Variants in CNTN5 observed in about 807,000 individuals in gnomAD.
The protein encoded by CNTN5 is contactin 5.
A neutral mutation model predicts 129.1 loss-of-function variants in CNTN5; 77 were observed. The observed-to-expected ratio is 0.60, with a 90% CI of 0.50 to 0.72. CNTN5 has a LOEUF of 0.72. CNTN5 is among the 30% of genes least tolerant of loss of function. The pLI is 0.00. For synonymous variants in CNTN5, 509 were observed against 465.6 expected, an observed-to-expected ratio of 1.09 and a Z score of -1.20; for missense variants, 1,478 against 1,328.8, an observed-to-expected ratio of 1.11 and a Z score of -1.75.
At chr11:99,520,601 G>C (rs1947241153) in intron 2 of CNTN5, among the ~76,000 whole-genome samples, 1 of 152,046 alleles carries the variant, frequency 6.6e-6, no homozygotes, top group Admixed American at 6.6e-5. Context: ...AGCAACAACT[G>C]GTTGCCTGAT....
At chr11:99,664,168 G>A (rs913880536) in intron 3 of CNTN5, among the ~76,000 whole-genome samples, 1 of 152,120 alleles carries the variant, frequency 6.6e-6, no homozygotes, top group Non-Finnish European at 1.5e-5. Context: ...TTGGATGTGG[G>A]AAGACATGCT....
rs1236674070 is a variant in CNTN5 at position 100,297,806 on chromosome 11, A to G, written c.2385+111A>G. On this transcript the variant is annotated intron_variant, in intron 19 of 24. Transcript: ENST00000524871. ...CACTTGATTCATTTAGAGGCTAAAA[A>G]CAGTGGGAGGAAGGAATGAACCACT... 6.3e-6 allele frequency: 5 copies of G among 792,504 alleles called. No individual in the cohort carries two copies. In the African/African-American group the frequency reaches 7.0e-5, roughly 11 times the overall value. 49.1% of individuals were successfully genotyped at this position (792,504 alleles called of 1,614,324 possible).
At chr11:99,498,303 T>C (rs1425561608) in intron 2 of CNTN5, among the ~76,000 whole-genome samples, 1 of 152,170 alleles carries the variant, frequency 6.6e-6, no homozygotes, top group Non-Finnish European at 1.5e-5. Flanking sequence ...AAAGTCAGTG[T>C]GTCATTTGTT....
chr11:99,775,300 TAAC>T (rs1334938349), intron 3 of CNTN5, among the ~76,000 whole-genome samples: 1 of 151,982 alleles, frequency 6.6e-6, no homozygotes, highest in African/African-American at 2.4e-5. Flanking sequence ...TATTGTTCCT[TAAC>T]AATGAAAAAT....
chr11:99,698,568 C>T (rs907511948), intron 3 of CNTN5, among the ~76,000 whole-genome samples: 1 of 151,502 alleles, frequency 6.6e-6, no homozygotes, highest in African/African-American at 2.4e-5. Flanking sequence ...CCTGCAGAGT[C>T]GCACATTATA....
At chr11:100,204,297 A>ACATATATATAT in intron 15 of CNTN5, among the ~76,000 whole-genome samples, 2 of 17,658 alleles carry the variant, frequency 1.1e-4, no homozygotes, top group South Asian at 5.2e-3. Flanking sequence ...AACATTGACT[A>ACATATATATAT]ATATATATAT....
intron 3 of CNTN5, among the ~76,000 whole-genome samples, chr11:99,666,910 C>T (rs957437207): frequency 6.6e-6 from 1 of 151,928 alleles, no homozygotes; most frequent in East Asian, 1.9e-4. Flanking sequence ...ATAATTAGTT[C>T]AGTTTTATTT....
intron 2 of CNTN5, among the ~76,000 whole-genome samples, chr11:99,515,200 G>A (rs1194699791): frequency 2.0e-5 from 3 of 151,982 alleles, no homozygotes; most frequent in South Asian, 2.1e-4. Flanking sequence ...AAGAAGCAGC[G>A]AAGAGAGATT....
At chr11:99,711,513 G>T (rs1236301942) in intron 3 of CNTN5, among the ~76,000 whole-genome samples, 2 of 151,416 alleles carry the variant, frequency 1.3e-5, no homozygotes, top group African/African-American at 4.9e-5. Context: ...TTAAGTTCTG[G>T]GGTACATATG....
At chr11:99,335,163 C>T (rs1415418310) in intron 2 of CNTN5, among the ~76,000 whole-genome samples, 1 of 152,134 alleles carries the variant, frequency 6.6e-6, no homozygotes, top group African/African-American at 2.4e-5. Flanking sequence ...GATTGATTCT[C>T]ACAGCAACTT....
intron 8 of CNTN5, among the ~76,000 whole-genome samples, chr11:99,999,245 A>G (rs1326604734): frequency 2.6e-5 from 4 of 152,190 alleles, no homozygotes; most frequent in South Asian, 2.1e-4. Flanking sequence ...GAAAATTTTC[A>G]CAACCTACTC....
chr11:99,433,375 G>GAA (rs1565578567), intron 2 of CNTN5, among the ~76,000 whole-genome samples: 9 of 30,344 alleles, frequency 3.0e-4, no homozygotes, highest in African/African-American at 7.0e-4. Flanking sequence ...AAAAAAATGT[G>GAA]TGTGTGTGTG....
At chr11:99,148,631 G>C (rs118163264) in intron 1 of CNTN5, among the ~76,000 whole-genome samples, 7,194 of 152,148 alleles carry the variant, frequency 0.047, 193 homozygotes, top group Middle Eastern at 0.065. Flanking sequence ...TCAGCTATTT[G>C]TTACAAGATT....
chr11:100,334,141 A>C (rs1951973709), intron 21 of CNTN5, among the ~76,000 whole-genome samples: 18 of 152,212 alleles, frequency 1.2e-4, no homozygotes. Flanking sequence ...ACAATTCTCA[A>C]AAGAAGATAT....
At chr11:99,775,535 A>T (rs956928861) in intron 3 of CNTN5, among the ~76,000 whole-genome samples, 2 of 152,094 alleles carry the variant, frequency 1.3e-5, no homozygotes, top group African/African-American at 4.8e-5. Context: ...TAAAAAACAA[A>T]TGAGAGAAAG....
chr11:99,183,290 A>G (rs1858172884), intron 1 of CNTN5, among the ~76,000 whole-genome samples: 1 of 152,168 alleles, frequency 6.6e-6, no homozygotes, highest in South Asian at 2.1e-4. Flanking sequence ...AAAAGAATAC[A>G]TGAAACTTAA....
chr11:100,009,404 C>A (rs1268155858), intron 9 of CNTN5, among the ~76,000 whole-genome samples: 1 of 151,542 alleles, frequency 6.6e-6, no homozygotes, highest in Non-Finnish European at 1.5e-5. Flanking sequence ...CAAGAGAACC[C>A]ATAGGGAAAC....
intron 18 of CNTN5, among the ~76,000 whole-genome samples, chr11:100,275,710 A>C (rs1950495841): frequency 6.6e-6 from 1 of 152,246 alleles, no homozygotes; most frequent in Non-Finnish European, 1.5e-5. Flanking sequence ...TTCTATATAC[A>C]TGACATACTT....
At chr11:99,862,605 AT>A (rs1179815521) in intron 6 of CNTN5, among the ~76,000 whole-genome samples, 28 of 152,014 alleles carry the variant, frequency 1.8e-4, no homozygotes, top group East Asian at 9.6e-4. Context: ...ATTAAAATAT[AT>A]TTTTTATTTA....
Sources: allele counts gnomAD v4.1 joint callset (sites outside exome capture counted in the v4.1 genomes callset), GRCh38; gene constraint gnomAD v4.1.1; transcripts MANE v1.5; gene names NCBI Gene and HGNC (gene_info 2026-07-23, HGNC 2026-07-21).